The following ANO4 variants were observed in gnomAD, a reference collection of about 807,000 sequenced individuals.
ANO4 encodes the protein anoctamin-4.
A neutral mutation model predicts 141.9 loss-of-function variants in ANO4; 69 were observed. That is an observed-to-expected ratio of 0.49 (90% CI 0.40 to 0.59). ANO4 has a LOEUF of 0.59. ANO4 is among the 20% of genes least tolerant of loss of function. ANO4 has a pLI of 0.00. For missense variants in ANO4, 894 were observed against 1,162.2 expected (o/e 0.77, Z 3.36); for synonymous variants, 350 against 394.3 (o/e 0.89, Z 1.33).
At chr12:100,769,566 G>T (rs1168570776) in intron 3 of ANO4, among the ~76,000 whole-genome samples, 2 of 152,168 alleles carry the variant, frequency 1.3e-5, no homozygotes, top group African/African-American at 4.8e-5. Context: ...GTATTATTAT[G>T]ATGCTTAAAA....
At chr12:100,774,877 C>T (rs540478475) in intron 3 of ANO4, among the ~76,000 whole-genome samples, 1 of 152,320 alleles carries the variant, frequency 6.6e-6, no homozygotes, top group South Asian at 2.1e-4. Context: ...AATAACTTAA[C>T]TGCCTACAGG....
intron 7 of ANO4, chr12:100,987,329 G>A: frequency 5.1e-6 from 3 of 590,828 alleles, no homozygotes; most frequent in Non-Finnish European, 8.9e-6. Context: ...TTCACAAACA[G>A]TAATAATATT....
intron 1 of ANO4, among the ~76,000 whole-genome samples, chr12:100,897,989 A>G (rs1028071403): frequency 6.6e-6 from 1 of 152,208 alleles, no homozygotes; most frequent in African/African-American, 2.4e-5. Flanking sequence ...TTGGTATTGA[A>G]TCCATTAGAC....
chr12:101,053,749 G>A (rs143389478), intron 14 of ANO4, among the ~76,000 whole-genome samples: 13 of 152,268 alleles, frequency 8.5e-5, no homozygotes, highest in African/African-American at 3.1e-4. Flanking sequence ...TCCAAATAAG[G>A]TCACATTGTG....
intron 24 of ANO4, among the ~76,000 whole-genome samples, chr12:101,114,859 TG>T (rs1189237718): frequency 6.6e-6 from 1 of 152,204 alleles, no homozygotes; most frequent in Non-Finnish European, 1.5e-5. Flanking sequence ...GGAGTCCTGC[TG>T]CCAGTTGGAT....
chr12:100,821,524 T>C (rs954758664), intron 1 of ANO4, among the ~76,000 whole-genome samples: 9 of 149,386 alleles, frequency 6.0e-5, no homozygotes, highest in East Asian at 3.9e-4. Flanking sequence ...CAGGTAATCA[T>C]AGAGTCAGAG....
chr12:100,832,312 C>T (rs11110543), intron 1 of ANO4, among the ~76,000 whole-genome samples: 61,502 of 152,056 alleles, frequency 0.4, 12,696 homozygotes, highest in East Asian at 0.48. Context: ...ATACAGGAAT[C>T]CTTTCTGTAA....
chr12:100,992,417 A>G (rs2045175288), intron 8 of ANO4, among the ~76,000 whole-genome samples: 2 of 151,918 alleles, frequency 1.3e-5, no homozygotes, highest in African/African-American at 2.4e-5. Context: ...GGACATTTGC[A>G]TATGTTGTTT....
chr12:100,870,048 A>G (rs2038955615), intron 1 of ANO4, among the ~76,000 whole-genome samples: 1 of 152,206 alleles, frequency 6.6e-6, no homozygotes, highest in Non-Finnish European at 1.5e-5. Flanking sequence ...GGATCTCAAT[A>G]GAAAACAGAA....
At chr12:101,036,669 A>C (rs1481614468) in intron 9 of ANO4, among the ~76,000 whole-genome samples, 1 of 152,174 alleles carries the variant, frequency 6.6e-6, no homozygotes, top group Non-Finnish European at 1.5e-5. Context: ...CAGAGAGTAG[A>C]ATAGTGGTTG....
intron 23 of ANO4, among the ~76,000 whole-genome samples, chr12:101,110,871 ATTTGCTT>A (rs200858878): frequency 0.057 from 8,619 of 152,256 alleles, 780 homozygotes; most frequent in African/African-American, 0.19. Flanking sequence ...TAGATCTTCC[ATTTGCTT>A]AACCTTGATT....
At chr12:101,081,075 A>T (rs1036147512) in intron 15 of ANO4, among the ~76,000 whole-genome samples, 12 of 150,556 alleles carry the variant, frequency 8.0e-5, no homozygotes, top group African/African-American at 2.7e-4. Context: ...GGTTTGAAGA[A>T]GCTTCCCAGG....
At chr12:100,724,183 A>G (rs1430298145) in intron 1 of ANO4, among the ~76,000 whole-genome samples, 1 of 152,232 alleles carries the variant, frequency 6.6e-6, no homozygotes, top group Non-Finnish European at 1.5e-5. Flanking sequence ...TTCTCTAATT[A>G]GGGTTCATGA....
intron 1 of ANO4, among the ~76,000 whole-genome samples, chr12:100,800,267 C>T (rs1042281704): frequency 6.6e-6 from 1 of 152,168 alleles, no homozygotes; most frequent in African/African-American, 2.4e-5. Context: ...TTACCTGTTA[C>T]TTACTGAGCA....
intron 2 of ANO4, among the ~76,000 whole-genome samples, chr12:100,905,084 A>G (rs922311781): frequency 1.8e-4 from 28 of 152,158 alleles, no homozygotes; most frequent in African/African-American, 6.0e-4. Context: ...GGTGGGTTTG[A>G]GGGCAAAGGT....
At chr12:101,052,286 C>G (rs11110632) in intron 14 of ANO4, among the ~76,000 whole-genome samples, 83,888 of 151,904 alleles carry the variant, frequency 0.55, 24,463 homozygotes, top group African/African-American at 0.74. Flanking sequence ...GCCTGGGTCT[C>G]GGCTGGAATT....
chr12:101,011,444 C>T (rs1350780066), intron 8 of ANO4, among the ~76,000 whole-genome samples: 2 of 151,466 alleles, frequency 1.3e-5, no homozygotes, highest in Non-Finnish European at 2.9e-5. Flanking sequence ...CCCAATATTG[C>T]ATCAGGTTCA....
At chr12:100,741,834 A>C (rs1165049972) in intron 3 of ANO4, among the ~76,000 whole-genome samples, 1 of 152,144 alleles carries the variant, frequency 6.6e-6, no homozygotes, top group Non-Finnish European at 1.5e-5. Context: ...GTTAATATAT[A>C]AAGTACCTCC....
intron 17 of ANO4, among the ~76,000 whole-genome samples, chr12:101,090,810 G>A (rs973583385): frequency 6.6e-6 from 1 of 152,108 alleles, no homozygotes; most frequent in Non-Finnish European, 1.5e-5. Flanking sequence ...TTGCCCATAT[G>A]TTTCGAGCAG....
Sources: gnomAD v4.1 joint callset for allele counts (sites outside exome capture counted in the v4.1 genomes callset) on GRCh38, gnomAD v4.1.1 for gene constraint, MANE v1.5 for transcripts, NCBI Gene and HGNC (gene_info 2026-07-23, HGNC 2026-07-21) for gene names.